KIZ: variants seen among roughly 807,000 people sequenced by gnomAD.
KIZ encodes kizuna centrosomal protein.
Under a neutral mutation model 79.6 loss-of-function variants are expected in KIZ, and 68 were observed. The observed-to-expected ratio is 0.85, with a 90% CI of 0.70 to 1.05. The LOEUF is 1.05. KIZ is among the 50% of genes least tolerant of loss of function. The probability of loss-of-function intolerance (pLI) is 0.00; values close to 1 mark genes in which losing one functional copy is unlikely to be tolerated. For synonymous variants in KIZ, 280 were observed against 281.8 expected (o/e 0.99, Z 0.06); for missense variants, 797 against 800.4 (o/e 1.00, Z 0.05).
intron 7 of KIZ, 92 bp downstream of exon 7, chr20:21,205,676 GT>G (rs1350187413): frequency 1.1e-5 from 6 of 537,782 alleles, no homozygotes; most frequent in South Asian, 2.7e-5. Context: ...AAAAAAAAAA[GT>G]TTTGGCCAGG....
chr20:21,213,630 G>A (rs993009587), intron 7 of KIZ: 1 of 152,216 alleles, frequency 6.6e-6, no homozygotes, highest in Non-Finnish European at 1.5e-5. Flanking sequence ...CACTCTGGCA[G>A]CGGGATAATG....
intron 6 of KIZ, among the ~76,000 whole-genome samples, chr20:21,193,221 G>A (rs1273022342): frequency 1.3e-5 from 2 of 152,004 alleles, no homozygotes; most frequent in Non-Finnish European, 2.9e-5. Flanking sequence ...GCTATTCCTT[G>A]GAGAAAATAA....
intron 5 of KIZ, 31 bp from the exon 6 acceptor site, chr20:21,162,819 A>C: frequency 2.5e-6 from 4 of 1,570,042 alleles, no homozygotes; most frequent in Non-Finnish European, 3.5e-6. Context: ...GAAGTCAGTG[A>C]TTGGTAATCA....
At chr20:21,164,060 T>G (rs2033818856) in intron 6 of KIZ, among the ~76,000 whole-genome samples, 1 of 152,214 alleles carries the variant, frequency 6.6e-6, no homozygotes, top group Non-Finnish European at 1.5e-5. Flanking sequence ...CCACAGCCTG[T>G]CTGCCTGAAT....
chr20:21,156,340 T>A (rs905074733), intron 4 of KIZ, among the ~76,000 whole-genome samples: 30 of 152,344 alleles, frequency 2.0e-4, no homozygotes, highest in Admixed American at 2.0e-3. Flanking sequence ...ATAATTTTAA[T>A]TTTTAAAAAT....
At chr20:21,219,579 G>C (rs1423536731) in intron 9 of KIZ, among the ~76,000 whole-genome samples, 1 of 152,132 alleles carries the variant, frequency 6.6e-6, no homozygotes, top group African/African-American at 2.4e-5. Flanking sequence ...TGGCCTCCCA[G>C]AGTTCTGGGA....
At chr20:21,244,041 G>C (rs1178749444) in intron 11 of KIZ, among the ~76,000 whole-genome samples, 6 of 152,162 alleles carry the variant, frequency 3.9e-5, no homozygotes, top group African/African-American at 7.2e-5. Flanking sequence ...CGCAGGACGG[G>C]AGCAATGCTG....
At chr20:21,236,592 G>T (rs2037014701) in intron 11 of KIZ, among the ~76,000 whole-genome samples, 1 of 152,196 alleles carries the variant, frequency 6.6e-6, no homozygotes, top group African/African-American at 2.4e-5. Context: ...AGTGCTCCTG[G>T]CAGGACCCTC....
intron 4 of KIZ, among the ~76,000 whole-genome samples, chr20:21,157,647 G>A (rs763370646): frequency 1.6e-4 from 25 of 152,102 alleles, no homozygotes; most frequent in Non-Finnish European, 2.8e-4. Flanking sequence ...CTCTGGATTC[G>A]TTGTTCAGTT....
intron 3 of KIZ, among the ~76,000 whole-genome samples, chr20:21,141,494 C>T (rs1458163549): frequency 6.6e-6 from 1 of 151,556 alleles, no homozygotes; most frequent in Non-Finnish European, 1.5e-5. Context: ...CCAGAGCAGC[C>T]TTCCCAGGTT....
intron 6 of KIZ, among the ~76,000 whole-genome samples, chr20:21,184,099 T>G (rs865911256): frequency 6.6e-6 from 1 of 152,078 alleles, no homozygotes; most frequent in African/African-American, 2.4e-5. Flanking sequence ...CTGTTAATGG[T>G]TGCCAGGTGG....
intron 7 of KIZ, among the ~76,000 whole-genome samples, chr20:21,206,336 C>CA (rs1227662343): frequency 3.3e-5 from 5 of 152,058 alleles, no homozygotes; most frequent in African/African-American, 1.2e-4. Context: ...AAGAAAATGT[C>CA]AAAAATGTGG....
At chr20:21,212,511 G>T (rs2036110146) in intron 7 of KIZ, among the ~76,000 whole-genome samples, 1 of 152,242 alleles carries the variant, frequency 6.6e-6, no homozygotes, top group Admixed American at 6.5e-5. Context: ...GTTCTGAGCA[G>T]TTTAAGGTAG....
chr20:21,244,308 A>G lies in KIZ; in HGVS notation c.1924+20A>G, dbSNP rs2037318678. On this transcript the variant is annotated intron_variant, in intron 12 of 12. Transcript: ENST00000619189. ...CTAATGGTGAGAGAGATAATCGGAC[A>G]CTAGATTTTCTTTTTCTGTTTTAAC... 1 of 1,563,526 alleles carries G rather than the reference A, an allele frequency of 6.4e-7. No individual in the cohort carries two copies. Among genetic ancestry groups the G allele is most frequent in the Non-Finnish European group, 8.8e-7 (1 of 1,136,908 alleles).
At chr20:21,158,291 G>A (rs559362960) in intron 4 of KIZ, 2 of 152,256 alleles carry the variant, frequency 1.3e-5, no homozygotes, top group East Asian at 3.9e-4. Context: ...ATGGTATAAT[G>A]GAAAATTCTT....
intron 11 of KIZ, among the ~76,000 whole-genome samples, chr20:21,242,723 C>T (rs974216116): frequency 1.3e-5 from 2 of 152,062 alleles, no homozygotes; most frequent in Non-Finnish European, 2.9e-5. Context: ...TCTCCTGTGT[C>T]AGGGGCTCCC....
intron 9 of KIZ, among the ~76,000 whole-genome samples, chr20:21,216,155 A>T (rs2036282592): frequency 6.6e-6 from 1 of 152,236 alleles, no homozygotes; most frequent in South Asian, 2.1e-4. Flanking sequence ...AGATTTCTGC[A>T]CATGTATTAG....
chr20:21,163,805 G>T (rs2122712606), intron 6 of KIZ, among the ~76,000 whole-genome samples: 1 of 152,296 alleles, frequency 6.6e-6, no homozygotes, highest in Non-Finnish European at 1.5e-5. Context: ...TTGTGCTACT[G>T]ATTGGAGACG....
chr20:21,130,032 A>G (rs773219507), intron 1 of KIZ, among the ~76,000 whole-genome samples: 3 of 152,192 alleles, frequency 2.0e-5, no homozygotes, highest in African/African-American at 7.2e-5. Context: ...TGATCACACC[A>G]TACAGCCCTC....
Sources: gnomAD v4.1 joint callset for allele counts (sites outside exome capture counted in the v4.1 genomes callset) on GRCh38, gnomAD v4.1.1 for gene constraint, MANE v1.5 for transcripts, NCBI Gene and HGNC (gene_info 2026-07-23, HGNC 2026-07-21) for gene names.